Variants in SNX29 observed in about 807,000 individuals in gnomAD.
SNX29 encodes sorting nexin 29, also known as sorting nexin-29.
In SNX29, 78 loss-of-function variants were observed where a neutral mutation model predicts 102.1. The observed-to-expected ratio is 0.76, with a 90% CI of 0.64 to 0.92. The LOEUF (loss-of-function observed/expected upper bound fraction) is 0.92, where lower values mean the gene tolerates loss of function less well. Among genes scored for constraint, SNX29 ranks in the 40% least tolerant of loss-of-function variants. The probability of loss-of-function intolerance (pLI) is 0.00; values close to 1 mark genes in which losing one functional copy is unlikely to be tolerated. For missense variants in SNX29, 1,280 were observed against 1,061.7 expected (o/e 1.21, Z -2.86); for synonymous variants, 580 against 414.5 (o/e 1.40, Z -4.85).
intron 18 of SNX29, among the ~76,000 whole-genome samples, chr16:12,444,845 T>TG (rs1555539558): frequency 2.7e-5 from 4 of 148,642 alleles, no homozygotes; most frequent in Non-Finnish European, 4.5e-5. Context: ...TTTTTTTGTT[T>TG]TTTTTTTTTT....
intron 13 of SNX29, among the ~76,000 whole-genome samples, chr16:12,195,807 T>C (rs571248568): frequency 6.6e-6 from 1 of 152,106 alleles, no homozygotes; most frequent in Non-Finnish European, 1.5e-5. Context: ...ATCTGTAAAA[T>C]GGGCACAGTA....
At chr16:12,456,762 C>A (rs560499630) in intron 18 of SNX29, among the ~76,000 whole-genome samples, 1 of 152,176 alleles carries the variant, frequency 6.6e-6, no homozygotes, top group East Asian at 1.9e-4. Flanking sequence ...GAAATTGCCT[C>A]CTTTCAGGGA....
intron 15 of SNX29, among the ~76,000 whole-genome samples, chr16:12,342,491 G>A (rs1036367256): frequency 6.6e-6 from 1 of 152,150 alleles, no homozygotes; most frequent in African/African-American, 2.4e-5. Flanking sequence ...CCATGTTGTT[G>A]TTTTAAACTA....
intron 14 of SNX29, among the ~76,000 whole-genome samples, chr16:12,271,455 C>G (rs1280530389): frequency 2.0e-5 from 3 of 152,160 alleles, no homozygotes; most frequent in African/African-American, 7.2e-5. Context: ...GTGGTGAAAC[C>G]CCATCACTTC....
chr16:12,394,294 C>T (rs1381166132), intron 16 of SNX29, among the ~76,000 whole-genome samples: 1 of 152,230 alleles, frequency 6.6e-6, no homozygotes, highest in Admixed American at 6.5e-5. Context: ...TCTGGGCATC[C>T]CAGAGGCAAG....
At chr16:12,346,958 C>A (rs1480094971) in intron 15 of SNX29, among the ~76,000 whole-genome samples, 1 of 152,166 alleles carries the variant, frequency 6.6e-6, no homozygotes, top group Non-Finnish European at 1.5e-5. Flanking sequence ...AGCCCCGTGG[C>A]CAAGCGATGA....
intron 14 of SNX29, among the ~76,000 whole-genome samples, chr16:12,199,889 C>T (rs577030022): frequency 1.4e-4 from 22 of 152,326 alleles, no homozygotes; most frequent in African/African-American, 5.3e-4. Context: ...GTAAGACTCA[C>T]TTGCTAGACT....
intron 15 of SNX29, among the ~76,000 whole-genome samples, chr16:12,347,721 C>A (rs965932914): frequency 6.6e-6 from 1 of 151,266 alleles, no homozygotes; most frequent in Non-Finnish European, 1.5e-5. Context: ...ACTCTTTCAT[C>A]CCTTTGTACC....
intron 13 of SNX29, among the ~76,000 whole-genome samples, chr16:12,178,236 G>A (rs568057211): frequency 7.2e-5 from 11 of 152,248 alleles, no homozygotes; most frequent in African/African-American, 2.6e-4. Context: ...GGCATGGGCT[G>A]ATGGGTTCCT....
At chr16:12,558,407 G>A (rs1460333997) in intron 20 of SNX29, among the ~76,000 whole-genome samples, 2 of 152,198 alleles carry the variant, frequency 1.3e-5, no homozygotes, top group African/African-American at 2.4e-5. Context: ...TGTTAGCCTT[G>A]AAGTGGTGAA....
At chr16:12,128,377 C>G (rs1433374480) in intron 12 of SNX29, among the ~76,000 whole-genome samples, 2 of 151,978 alleles carry the variant, frequency 1.3e-5, no homozygotes, top group African/African-American at 4.8e-5. Context: ...CCTCAAAGCT[C>G]TCAAGGAACA....
intron 15 of SNX29, among the ~76,000 whole-genome samples, chr16:12,300,024 C>T (rs1190248406): frequency 6.6e-6 from 1 of 152,088 alleles, no homozygotes; most frequent in Non-Finnish European, 1.5e-5. Flanking sequence ...GTGCCTGCCA[C>T]CACGCCTGGC....
intron 18 of SNX29, among the ~76,000 whole-genome samples, chr16:12,450,909 T>C (rs1358019165): frequency 6.6e-6 from 1 of 152,114 alleles, no homozygotes; most frequent in Non-Finnish European, 1.5e-5. Flanking sequence ...TAGAAGTGCC[T>C]GGACTTGATA....
chr16:12,069,261 G>A (rs779914485), intron 10 of SNX29, 129 bp downstream of exon 10: 7 of 752,790 alleles, frequency 9.3e-6, no homozygotes, highest in African/African-American at 1.8e-5. Flanking sequence ...TCACATTTAT[G>A]TTCAGATTTA....
Position 12,571,644 on chromosome 16 carries a change from AGAC to A in SNX29, c.*3019_*3021del, listed in dbSNP as rs2079190013. Reference sequence around the variant, plus strand: ...CATCTTTTTTTCTCCCCCAGATGAAAGACGACTCAGGAACGGTAGGGCTGGGCA... The same window carrying A: ...CATCTTTTTTTCTCCCCCAGATGAAAGACTCAGGAACGGTAGGGCTGGGCA... On this transcript the variant is annotated 3_prime_UTR_variant, in exon 21 of 21. Coordinates refer to ENST00000566228, the MANE Select transcript of SNX29 (RefSeq NM_032167.5). 1.9e-6 allele frequency: 2 copies of A among 1,058,656 alleles called. No individual in the cohort carries two copies. The highest frequency in any genetic ancestry group is 5.2e-5 in the East Asian group (1 of 19,314). 65.6% of individuals were successfully genotyped at this position (1,058,656 alleles called of 1,614,324 possible).
chr16:12,537,458 C>G (rs894456933), intron 20 of SNX29, among the ~76,000 whole-genome samples: 12 of 151,012 alleles, frequency 7.9e-5, no homozygotes, highest in Non-Finnish European at 1.2e-4. Flanking sequence ...TCACCTCTGC[C>G]TCAGCATCCT....
At chr16:12,546,998 T>C (rs556379531) in intron 20 of SNX29, among the ~76,000 whole-genome samples, 1 of 152,250 alleles carries the variant, frequency 6.6e-6, no homozygotes, top group South Asian at 2.1e-4. Context: ...CAGTGCACCA[T>C]TTCAGATCCT....
chr16:11,998,104 A>G (rs1415259705), intron 1 of SNX29, among the ~76,000 whole-genome samples: 1 of 152,070 alleles, frequency 6.6e-6, no homozygotes, highest in Non-Finnish European at 1.5e-5. Context: ...ATCACTGACC[A>G]CCTCTGAGAT....
chr16:12,178,931 T>C (rs1596443391), intron 13 of SNX29, among the ~76,000 whole-genome samples: 1 of 152,214 alleles, frequency 6.6e-6, no homozygotes, highest in East Asian at 1.9e-4. Context: ...TTATGGATCA[T>C]TCCAAGTGTA....
Sources: gnomAD v4.1 joint callset for allele counts (sites outside exome capture counted in the v4.1 genomes callset) on GRCh38, gnomAD v4.1.1 for gene constraint, MANE v1.5 for transcripts, NCBI Gene and HGNC (gene_info 2026-07-23, HGNC 2026-07-21) for gene names.